Variants in ZNF407 observed in about 807,000 individuals in gnomAD.
ZNF407 encodes zinc finger protein 407.
A neutral mutation model predicts 131.2 loss-of-function variants in ZNF407; 17 were observed. The observed-to-expected ratio is 0.13, with a 90% CI of 0.09 to 0.19. The LOEUF is 0.19. Ranked by LOEUF, ZNF407 falls within the 10% of genes least tolerant of loss-of-function variation. The probability of loss-of-function intolerance (pLI) is 1.00; values close to 1 mark genes in which losing one functional copy is unlikely to be tolerated. For missense variants in ZNF407, 2,681 were observed against 2,830.6 expected, an observed-to-expected ratio of 0.95 and a Z score of 1.20; for synonymous variants, 1,156 against 1,062.0, an observed-to-expected ratio of 1.09 and a Z score of -1.72.
chr18:74,633,638 C>T lies in ZNF407; in HGVS notation c.2619C>T (p.His873=), dbSNP rs373567219. 4.2e-5 allele frequency: 68 copies of T among 1,613,868 alleles called. No homozygotes were observed. In the African/African-American group the frequency reaches 4.8e-4, roughly 11 times the overall value. Residue 873 remains histidine (H), a synonymous_variant, in exon 2 of 9, where the codon CAC becomes CAT. Coordinates refer to ENST00000299687, the MANE Select transcript of ZNF407 (RefSeq NM_017757.3). ...TNLTVHIRRK[H]SHQYSYLCKV... The stretch of plus-strand genomic sequence containing the variant: ...TGACTGTTCACATTAGACGAAAACA[C>T]AGTCACCAGTATAGTTATTTATGCA...
At chr18:74,774,788 G>A (rs1201882019) in intron 3 of ZNF407, among the ~76,000 whole-genome samples, 1 of 152,184 alleles carries the variant, frequency 6.6e-6, no homozygotes, top group East Asian at 1.9e-4. Flanking sequence ...TTTCTTGAGT[G>A]TGATCTTGAT....
chr18:74,874,441 A>T (rs1278259006), intron 4 of ZNF407, among the ~76,000 whole-genome samples: 1 of 152,174 alleles, frequency 6.6e-6, no homozygotes, highest in Admixed American at 6.5e-5. Context: ...AATCTAGCCT[A>T]GGGTAAGCCA....
At chr18:75,049,261 G>A (rs939535342) in intron 8 of ZNF407, among the ~76,000 whole-genome samples, 4 of 152,104 alleles carry the variant, frequency 2.6e-5, no homozygotes, top group Non-Finnish European at 5.9e-5. Context: ...TATGTTGGGT[G>A]GCTAAGAGCT....
chr18:74,852,881 T>G (rs1970808986), intron 4 of ZNF407, among the ~76,000 whole-genome samples: 1 of 152,228 alleles, frequency 6.6e-6, no homozygotes, highest in Non-Finnish European at 1.5e-5. Flanking sequence ...TGAAATACAT[T>G]TATTACAATT....
intron 8 of ZNF407, among the ~76,000 whole-genome samples, chr18:74,949,563 C>T (rs1045935675): frequency 6.6e-6 from 1 of 152,170 alleles, no homozygotes; most frequent in African/African-American, 2.4e-5. Flanking sequence ...TCCTCAAAAT[C>T]CCTGTTAGTA....
At chr18:74,758,911 C>G (rs1969027536) in intron 3 of ZNF407, among the ~76,000 whole-genome samples, 1 of 152,108 alleles carries the variant, frequency 6.6e-6, no homozygotes, top group African/African-American at 2.4e-5. Flanking sequence ...AAAAAATTAC[C>G]TACGTCATTA....
chr18:74,910,460 G>A (rs1971654397), intron 7 of ZNF407, among the ~76,000 whole-genome samples: 1 of 150,998 alleles, frequency 6.6e-6, no homozygotes. Flanking sequence ...ATTTTATATT[G>A]AAAGTCATAT....
intron 4 of ZNF407, among the ~76,000 whole-genome samples, chr18:74,810,481 C>T (rs2145087120): frequency 6.6e-6 from 1 of 151,932 alleles, no homozygotes; most frequent in South Asian, 2.1e-4. Flanking sequence ...TGTTCTTGGT[C>T]TTAAACTGTT....
intron 7 of ZNF407, among the ~76,000 whole-genome samples, chr18:74,908,219 A>G (rs559829029): frequency 7.9e-5 from 12 of 152,168 alleles, no homozygotes; most frequent in African/African-American, 2.4e-4. Context: ...CATGAGGCAT[A>G]TTTTCCTACA....
intron 8 of ZNF407, among the ~76,000 whole-genome samples, chr18:75,019,341 G>A (rs1009854447): frequency 5.9e-5 from 9 of 152,136 alleles, no homozygotes; most frequent in Non-Finnish European, 8.8e-5. Context: ...TTACTCAGTG[G>A]CAATGCAAAT....
At chr18:74,606,482 T>C (rs991346917) in intron 1 of ZNF407, among the ~76,000 whole-genome samples, 1 of 152,188 alleles carries the variant, frequency 6.6e-6, no homozygotes, top group Non-Finnish European at 1.5e-5. Context: ...ACTCAAGCAA[T>C]GTCTCCTGCC....
At position 74,707,544 on chromosome 18, in the gene ZNF407, A is replaced by G. The variant is rs937177895; in HGVS notation, c.4802+66422A>G. 2.6e-5 allele frequency among the ~76,000 whole-genome samples: 4 copies of G among 152,272 alleles called. No homozygotes were observed. In the South Asian group the frequency reaches 8.3e-4, roughly 32 times the overall value. ...AGCATATTCTTTGAGTGTTACGTTG[A>G]TGCTCCAAAAGTTTCGGATTTCGTA... On this transcript the variant is annotated intron_variant, in intron 3 of 8. Coordinates refer to ENST00000299687, the MANE Select transcript of ZNF407 (RefSeq NM_017757.3).
intron 4 of ZNF407, among the ~76,000 whole-genome samples, chr18:74,784,813 T>C (rs915571043): frequency 1.4e-4 from 21 of 152,240 alleles, no homozygotes; most frequent in Non-Finnish European, 1.5e-5. Flanking sequence ...AACGAGCTTA[T>C]CTACAATTAT....
intron 3 of ZNF407, among the ~76,000 whole-genome samples, chr18:74,751,808 T>C (rs1968810471): frequency 6.6e-6 from 1 of 152,240 alleles, no homozygotes; most frequent in African/African-American, 2.4e-5. Flanking sequence ...TCTTTGCTAT[T>C]GTGAATAGTG....
chr18:74,984,316 A>AT (rs1268267207), intron 8 of ZNF407, among the ~76,000 whole-genome samples: 2 of 152,194 alleles, frequency 1.3e-5, no homozygotes, highest in African/African-American at 4.8e-5. Context: ...GGAAAAAAAA[A>AT]GTCATCACAT....
chr18:74,629,911 T>C (rs9989535), intron 1 of ZNF407, among the ~76,000 whole-genome samples: 30,123 of 152,070 alleles, frequency 0.2, 3,817 homozygotes, highest in African/African-American at 0.37. Flanking sequence ...TTCTTTTTTT[T>C]CTCAAAATTT....
chr18:74,879,633 C>G (rs1013792845), intron 5 of ZNF407, among the ~76,000 whole-genome samples: 8 of 151,990 alleles, frequency 5.3e-5, no homozygotes, highest in African/African-American at 1.9e-4. Flanking sequence ...TCTATTCTTT[C>G]TATATTGAAA....
intron 3 of ZNF407, among the ~76,000 whole-genome samples, chr18:74,679,158 A>C (rs916437600): frequency 6.6e-6 from 1 of 152,228 alleles, no homozygotes; most frequent in African/African-American, 2.4e-5. Context: ...TAAAAATTGT[A>C]TTAGAACCAA....
chr18:74,945,171 T>C (rs1001311525), intron 8 of ZNF407, among the ~76,000 whole-genome samples: 2 of 152,174 alleles, frequency 1.3e-5, no homozygotes, highest in African/African-American at 4.8e-5. Context: ...GACCCTGGAC[T>C]TGTAAGTGTG....
Sources: gnomAD v4.1 joint callset for allele counts (sites outside exome capture counted in the v4.1 genomes callset) on GRCh38, gnomAD v4.1.1 for gene constraint, MANE v1.5 for transcripts, NCBI Gene and HGNC (gene_info 2026-07-23, HGNC 2026-07-21) for gene names.